ITCH: variants seen among roughly 807,000 people sequenced by gnomAD.
ITCH encodes the protein itchy E3 ubiquitin protein ligase.
In ITCH, 28 loss-of-function variants were observed where a neutral mutation model predicts 126.8. The observed-to-expected ratio is 0.22, with a 90% confidence interval of 0.16 to 0.30. The LOEUF (loss-of-function observed/expected upper bound fraction) is 0.30. ITCH is among the 10% of genes least tolerant of loss of function. The probability of loss-of-function intolerance (pLI) is 1.00; values close to 1 mark genes in which losing one functional copy is unlikely to be tolerated. For synonymous variants in ITCH, 342 were observed against 340.0 expected (o/e 1.01, Z -0.06); for missense variants, 631 against 1,032.4 (o/e 0.61, Z 5.33).
intron 14 of ITCH, among the ~76,000 whole-genome samples, chr20:34,464,141 ATT>A (rs1025473489): frequency 1.2e-4 from 16 of 132,790 alleles, no homozygotes; most frequent in Admixed American, 2.3e-4. Context: ...TGCCCAGCTA[ATT>A]TTTTTTTTTT....
chr20:34,464,159 G>A (rs908145012), intron 14 of ITCH, among the ~76,000 whole-genome samples: 2 of 122,886 alleles, frequency 1.6e-5, no homozygotes, highest in African/African-American at 6.1e-5. Flanking sequence ...TTTTTTTTTT[G>A]TATTTTGTTT....
At chr20:34,454,933 G>A (rs1302137132) in intron 12 of ITCH, among the ~76,000 whole-genome samples, 2 of 147,908 alleles carry the variant, frequency 1.4e-5, no homozygotes, top group Non-Finnish European at 3.0e-5. Flanking sequence ...GGGTTCAAGC[G>A]ATTCTCCTGC....
At chr20:34,481,563 G>A (rs1249903841) in intron 20 of ITCH, among the ~76,000 whole-genome samples, 1 of 151,990 alleles carries the variant, frequency 6.6e-6, no homozygotes, top group African/African-American at 2.4e-5. Flanking sequence ...CCAAGACTGG[G>A]CAATTTATAA....
chr20:34,499,099 C>T (rs1205110794), intron 23 of ITCH, among the ~76,000 whole-genome samples: 1 of 151,234 alleles, frequency 6.6e-6, no homozygotes, highest in East Asian at 1.9e-4. Flanking sequence ...CTCAGCCTCC[C>T]GAGTAACTGG....
chr20:34,492,717 C>G, intron 23 of ITCH, 120 bp downstream of exon 23: 1 of 744,608 alleles, frequency 1.3e-6, no homozygotes, highest in East Asian at 2.6e-5. Flanking sequence ...TTAACTATTC[C>G]CAGTTAGCAT....
intron 11 of ITCH, 105 bp downstream of exon 11, chr20:34,445,566 A>G (rs2046637642): frequency 2.8e-6 from 3 of 1,070,288 alleles, no homozygotes; most frequent in Admixed American, 3.6e-5. Context: ...TAGCATGGCA[A>G]CCCAGTTGTT....
At chr20:34,409,607 C>A (rs1315048291) in intron 4 of ITCH, among the ~76,000 whole-genome samples, 2 of 151,942 alleles carry the variant, frequency 1.3e-5, no homozygotes, top group Admixed American at 1.3e-4. Context: ...ATCTTGCATC[C>A]CTTATATAGC....
intron 18 of ITCH, among the ~76,000 whole-genome samples, chr20:34,480,389 A>G (rs1010981808): frequency 6.6e-6 from 1 of 151,748 alleles, no homozygotes; most frequent in African/African-American, 2.4e-5. Flanking sequence ...TTTAGTAGAG[A>G]TGGGGTTTCT....
chr20:34,493,054 C>T (rs6141477), intron 23 of ITCH, among the ~76,000 whole-genome samples: 1 of 152,204 alleles, frequency 6.6e-6, no homozygotes, highest in Non-Finnish European at 1.5e-5. Context: ...GGCAAAGTGC[C>T]TGTTACACAG....
At chr20:34,454,816 TG>T (rs1423651907) in intron 12 of ITCH, among the ~76,000 whole-genome samples, 31 of 119,976 alleles carry the variant, frequency 2.6e-4, no homozygotes, top group African/African-American at 9.0e-4. Flanking sequence ...TTTCTTTTCC[TG>T]TTTTTTTTTT....
chr20:34,364,821 G>A (rs1254998785), intron 1 of ITCH, among the ~76,000 whole-genome samples: 1 of 149,526 alleles, frequency 6.7e-6, no homozygotes, highest in African/African-American at 2.5e-5. Context: ...AACCCGGGAG[G>A]TGGAGGCTGC....
intron 16 of ITCH, among the ~76,000 whole-genome samples, chr20:34,473,455 C>T (rs1191092269): frequency 4.6e-5 from 7 of 152,050 alleles, no homozygotes; most frequent in Non-Finnish European, 8.8e-5. Context: ...GGAGCCCCAT[C>T]CTTGCATGAG....
chr20:34,489,104 G>T (rs746831099), intron 20 of ITCH, among the ~76,000 whole-genome samples, 162 bp from the exon 21 acceptor site: 1 of 152,176 alleles, frequency 6.6e-6, no homozygotes, highest in Non-Finnish European at 1.5e-5. Flanking sequence ...TGAAATAGAT[G>T]GGCATTGTGA....
chr20:34,370,388 G>C (rs1416084289), intron 2 of ITCH, among the ~76,000 whole-genome samples: 3 of 152,042 alleles, frequency 2.0e-5, no homozygotes, highest in East Asian at 1.9e-4. Context: ...GGCCAGGCAC[G>C]GTGGCTCATA....
intron 18 of ITCH, among the ~76,000 whole-genome samples, chr20:34,480,182 A>C (rs1350966864): frequency 6.6e-6 from 1 of 152,030 alleles, no homozygotes; most frequent in Non-Finnish European, 1.5e-5. Flanking sequence ...TACAGGTATA[A>C]GTCACCGTGC....
intron 2 of ITCH, among the ~76,000 whole-genome samples, chr20:34,380,801 T>G (rs1485565201): frequency 1.3e-5 from 2 of 151,932 alleles, no homozygotes. Flanking sequence ...TTTTAATTTA[T>G]TTTTGAGACA....
rs1457426738 is a variant in ITCH, at chr20:34,511,719, T to C, written c.*3925T>C. Among the ~76,000 whole-genome samples the C allele has an allele frequency of 1.3e-5, 2 of 152,238 alleles. No individual in the cohort carries two copies. The highest frequency in any genetic ancestry group is 4.8e-5 in the African/African-American group (2 of 41,468). ...AAAGTTTTCCAGAGCTTATTTACAT[T>C]ATAAGCTATATGTCTACATGTGAGT... On this transcript the variant is annotated 3_prime_UTR_variant, in exon 25 of 25. Transcript: ENST00000374864.
intron 21 of ITCH, 144 bp from the exon 22 acceptor site, chr20:34,489,678 G>A (rs1989378116): frequency 5.6e-6 from 4 of 720,610 alleles, no homozygotes; most frequent in South Asian, 3.0e-5. Context: ...CATGAGCAAT[G>A]TAGATATAAT....
intron 1 of ITCH, among the ~76,000 whole-genome samples, chr20:34,368,839 A>G (rs2037514727): frequency 6.6e-6 from 1 of 151,988 alleles, no homozygotes; most frequent in African/African-American, 2.4e-5. Flanking sequence ...AGGCTGGTGT[A>G]TTTATATGGC....
Sources: allele counts gnomAD v4.1 joint callset (sites outside exome capture counted in the v4.1 genomes callset), GRCh38; gene constraint gnomAD v4.1.1; transcripts MANE v1.5; gene names NCBI Gene and HGNC (gene_info 2026-07-23, HGNC 2026-07-21).